The following UBR3 variants were observed in gnomAD, a reference collection of about 807,000 sequenced individuals.
The protein encoded by UBR3 is E3 ubiquitin-protein ligase UBR3.
A neutral mutation model predicts 243.2 loss-of-function variants in UBR3; 85 were observed. The observed-to-expected ratio is 0.35, with a 90% CI of 0.29 to 0.42. The LOEUF (loss-of-function observed/expected upper bound fraction) is 0.42. Among genes scored for constraint, UBR3 ranks in the 10% least tolerant of loss-of-function variants. The pLI is 1.00. For synonymous variants in UBR3, 748 were observed against 799.8 expected (o/e 0.94, Z 1.09); for missense variants, 1,686 against 2,300.8 (o/e 0.73, Z 5.47).
intron 35 of UBR3, among the ~76,000 whole-genome samples, chr2:170,064,467 T>C (rs1211545442): frequency 6.6e-6 from 1 of 152,072 alleles, no homozygotes; most frequent in Non-Finnish European, 1.5e-5. Flanking sequence ...TTTTGTATTT[T>C]CTTCTATTAT....
chr2:169,909,613 A>G (rs936023435), intron 10 of UBR3, among the ~76,000 whole-genome samples: 2 of 152,100 alleles, frequency 1.3e-5, no homozygotes, highest in African/African-American at 4.8e-5. Flanking sequence ...ATAATAATGT[A>G]TTTTACATTT....
chr2:169,945,638 A>G (rs1168757828), intron 20 of UBR3, among the ~76,000 whole-genome samples: 1 of 152,142 alleles, frequency 6.6e-6, no homozygotes, highest in Non-Finnish European at 1.5e-5. Context: ...CTGCCAGGCC[A>G]TTTTGTTACT....
In UBR3 at chr2:169,995,744, G is replaced by A. The variant is rs143218931; in HGVS notation, c.3918+1288G>A. Among the ~76,000 whole-genome samples the A allele has an allele frequency of 5.6e-3, 857 of 152,150 alleles. 9 individuals are homozygous for A. The highest frequency in any genetic ancestry group is 0.019 in the African/African-American group (789 of 41,528). ...GATGGATTTGATTCATATCTGCTAC[G>A]ACTTCTTACAAACTTAGTAGTTTTT... is the stretch of plus-strand genomic sequence containing the variant. On this transcript the variant is annotated intron_variant, in intron 26 of 38. Transcript: ENST00000272793.
intron 23 of UBR3, among the ~76,000 whole-genome samples, chr2:169,952,038 T>C (rs552364515): frequency 3.2e-4 from 49 of 152,264 alleles, no homozygotes; most frequent in African/African-American, 1.2e-3. Flanking sequence ...CAGTCAGATA[T>C]AGGGTTTAAA....
chr2:169,932,658 G>A lies in UBR3; in HGVS notation c.2567-254G>A, dbSNP rs146407528. On this transcript the variant is annotated intron_variant, in intron 18 of 38. Coordinates refer to ENST00000272793, the MANE Select transcript of UBR3 (RefSeq NM_172070.4). ...CAACAACAATGAAGTAAACTTTTCT[G>A]GTGAGGCATTGTTGTATTACAAAAC... is the stretch of plus-strand genomic sequence containing the variant. Among the ~76,000 whole-genome samples the A allele has an allele frequency of 4.0e-3, 615 of 152,214 alleles. 5 individuals are homozygous for A. The highest frequency in any genetic ancestry group is 0.014 in the African/African-American group (575 of 41,522).
chr2:170,028,854 C>G (rs1327437568), intron 30 of UBR3, among the ~76,000 whole-genome samples: 4 of 151,622 alleles, frequency 2.6e-5, no homozygotes, highest in Non-Finnish European at 5.9e-5. Flanking sequence ...GTTACTTTTT[C>G]TTTATGTAGA....
At chr2:169,837,619 G>A (rs778476154) in intron 1 of UBR3, among the ~76,000 whole-genome samples, 3 of 152,220 alleles carry the variant, frequency 2.0e-5, no homozygotes, top group African/African-American at 7.2e-5. Flanking sequence ...GAGCAGCAGG[G>A]GGGGAGAAGC....
Position 169,828,026 on chromosome 2 carries a change from G to A in UBR3, c.519G>A (p.Gly173=). ...RSQAGGACDC[G]DSNVMRESGF... ...AGGCCGGGGGCGCCTGCGACTGCGG[G>A]GACAGCAACGTGATGCGGGAGAGCG... Residue 173 remains glycine, a synonymous_variant, in exon 1 of 39, where the codon GGG becomes GGA. Transcript: ENST00000272793. 6 of 1,398,578 alleles carry A rather than the reference G, an allele frequency of 4.3e-6. No homozygotes were observed. In the South Asian group the frequency reaches 7.4e-5, roughly 17 times the overall value. The allele number at this position is 1,398,578 out of a possible 1,614,324, so 86.6% of individuals were successfully genotyped here.
intron 24 of UBR3, among the ~76,000 whole-genome samples, chr2:169,985,699 TC>T (rs2088969798): frequency 6.6e-6 from 1 of 152,198 alleles, no homozygotes; most frequent in Admixed American, 6.5e-5. Context: ...TCTTTTTATT[TC>T]CATTAATACT....
At chr2:169,967,416 T>G (rs2105373246) in intron 24 of UBR3, among the ~76,000 whole-genome samples, 1 of 152,242 alleles carries the variant, frequency 6.6e-6, no homozygotes, top group Middle Eastern at 3.4e-3. Flanking sequence ...AGTTTTATTT[T>G]TTTATTTTTA....
At chr2:170,001,912 C>CAACAAAAAAAAAAAAAAAAAAAAAAAAA (rs2089716061) in intron 27 of UBR3, among the ~76,000 whole-genome samples, 1 of 67,510 alleles carries the variant, frequency 1.5e-5, no homozygotes, top group African/African-American at 7.1e-5. Flanking sequence ...GACTCCATCT[C>CAACAAAAAAAAAAAAAAAAAAAAAAAAA]AAAAAAAAAA....
At chr2:169,876,293 G>A (rs1574098382) in intron 3 of UBR3, among the ~76,000 whole-genome samples, 1 of 151,980 alleles carries the variant, frequency 6.6e-6, no homozygotes, top group East Asian at 1.9e-4. Context: ...TGTTAGCCAG[G>A]ATGGTCTCGA....
At chr2:169,843,065 C>T (rs962328462) in intron 1 of UBR3, among the ~76,000 whole-genome samples, 5 of 152,166 alleles carry the variant, frequency 3.3e-5, no homozygotes, top group African/African-American at 1.2e-4. Flanking sequence ...TAAGCTTTTC[C>T]TAGCATTCAC....
chr2:169,943,932 G>A (rs984731016), intron 20 of UBR3, among the ~76,000 whole-genome samples: 2 of 151,754 alleles, frequency 1.3e-5, no homozygotes, highest in Non-Finnish European at 1.5e-5. Flanking sequence ...AACCCTACCC[G>A]TGACCAATTT....
intron 1 of UBR3, among the ~76,000 whole-genome samples, chr2:169,844,833 G>A (rs2082416344): frequency 2.0e-5 from 3 of 151,974 alleles, no homozygotes; most frequent in South Asian, 2.1e-4. Flanking sequence ...CAAGGAACCA[G>A]CTTTTGGTTT....
intron 1 of UBR3, among the ~76,000 whole-genome samples, chr2:169,830,520 T>G (rs757217610): frequency 1.2e-4 from 19 of 152,322 alleles, no homozygotes; most frequent in Admixed American, 3.3e-4. Flanking sequence ...AAAACCTTGC[T>G]CAAGTTCACA....
chr2:170,074,604 T>C (rs1301757253), intron 36 of UBR3, among the ~76,000 whole-genome samples: 2 of 152,202 alleles, frequency 1.3e-5, no homozygotes, highest in Non-Finnish European at 2.9e-5. Context: ...ACATTACTTA[T>C]TGCTGTTACT....
At chr2:169,843,635 G>A (rs1403237387) in intron 1 of UBR3, among the ~76,000 whole-genome samples, 1 of 152,168 alleles carries the variant, frequency 6.6e-6, no homozygotes, top group Non-Finnish European at 1.5e-5. Context: ...GCATTTCTGG[G>A]ATAAAATCCA....
chr2:169,980,781 CG>C lies in UBR3; in HGVS notation c.3635-5863del, dbSNP rs780968781. ...ATCCCTCCCCCCTCCCCCCTCCCCC[CG>C]ATCTTGGTTTCTAATACAGTCCCCT... On this transcript the variant is annotated intron_variant, in intron 24 of 38. Coordinates refer to ENST00000272793, the MANE Select transcript of UBR3 (RefSeq NM_172070.4). Among the ~76,000 whole-genome samples, 13 of 131,956 alleles carry C rather than the reference CG, an allele frequency of 9.9e-5. No homozygotes were observed. In the East Asian group the frequency reaches 1.1e-3, roughly 11 times the overall value. 86.6% of individuals were successfully genotyped at this position (131,956 alleles called of 152,430 possible).
Sources: gnomAD v4.1 joint callset for allele counts (sites outside exome capture counted in the v4.1 genomes callset) on GRCh38, gnomAD v4.1.1 for gene constraint, MANE v1.5 for transcripts, NCBI Gene and HGNC (gene_info 2026-07-23, HGNC 2026-07-21) for gene names.